Variants in FBN1 observed in about 807,000 individuals in gnomAD.
FBN1 encodes the protein fibrillin-1.
FBN1 carries 29 observed loss-of-function variants against 365.1 expected under a neutral mutation model. The observed-to-expected ratio is 0.08, with a 90% CI of 0.06 to 0.11. The LOEUF (loss-of-function observed/expected upper bound fraction) is 0.11. Among genes scored for constraint, FBN1 ranks in the 10% least tolerant of loss-of-function variants. The pLI is 1.00. For synonymous variants in FBN1, 1,210 were observed against 1,270.5 expected (o/e 0.95, Z 1.01); for missense variants, 2,476 against 3,703.2 (o/e 0.67, Z 8.60).
chr15:48,463,718 C>T (rs1446227159), intron 41 of FBN1, among the ~76,000 whole-genome samples, 181 bp downstream of exon 41: 1 of 152,166 alleles, frequency 6.6e-6, no homozygotes, highest in Non-Finnish European at 1.5e-5. Context: ...ACCACCCACC[C>T]GTGGTGGTGA....
At chr15:48,641,822 A>G (rs1295861204) in intron 2 of FBN1, 1 of 152,250 alleles carries the variant, frequency 6.6e-6, no homozygotes, top group Non-Finnish European at 1.5e-5. Flanking sequence ...GCACCGTTAA[A>G]GGATTTATTC....
chr15:48,597,516 C>G (rs1296135642), intron 5 of FBN1, among the ~76,000 whole-genome samples: 1 of 152,214 alleles, frequency 6.6e-6, no homozygotes, highest in South Asian at 2.1e-4. Flanking sequence ...TCCCTCCCTC[C>G]TTGCACAGGA....
At chr15:48,533,407 A>C (rs765327762) in intron 8 of FBN1, among the ~76,000 whole-genome samples, 10 of 152,238 alleles carry the variant, frequency 6.6e-5, no homozygotes, top group Admixed American at 2.0e-4. Flanking sequence ...CGAAGAAATT[A>C]TGACTGTAAT....
intron 63 of FBN1, 125 bp from the exon 64 acceptor site, chr15:48,415,892 C>G (rs1397343901): frequency 5.2e-6 from 4 of 775,240 alleles, no homozygotes; most frequent in African/African-American, 5.1e-5. Context: ...GTAAGACAGG[C>G]AGAGGTGGCT....
At chr15:48,590,681 A>C (rs1018099059) in intron 6 of FBN1, among the ~76,000 whole-genome samples, 1 of 152,206 alleles carries the variant, frequency 6.6e-6, no homozygotes, top group Non-Finnish European at 1.5e-5. Context: ...CTTCATTAAG[A>C]CTGTAATTTC....
Position 48,516,297 on chromosome 15 carries a change from G to T in FBN1, c.1213C>A (p.Pro405Thr), listed in dbSNP as rs2043800829. 2 of 1,613,770 alleles carry T rather than the reference G, an allele frequency of 1.2e-6. No individual in the cohort carries two copies. Among genetic ancestry groups the T allele is most frequent in the Non-Finnish European group, 1.7e-6 (2 of 1,179,818 alleles). Residue 405 changes from proline (P) to threonine (T), a missense_variant, in exon 11 of 66, where the codon CCC becomes ACC. Transcript: ENST00000316623. ...AGAACTGGAGGAATGGGGCCAAGGG[G>T]TGGGGGAGGATATTCTGGTCTCCCA... ...IPGRPEYPPPPLGPIPPVLPV... is the reference protein window; with the variant it reads ...IPGRPEYPPPTLGPIPPVLPV...
In FBN1 at chr15:48,610,718, T is replaced by C; in HGVS notation, c.346+10A>G. ...AAATAATATTATATATAATGACATG[T>C]TAGACTTACTGGATCTGGAGCCACA... On this transcript the variant is annotated intron_variant, in intron 4 of 65. Transcript: ENST00000316623. 1 of 1,597,244 alleles carries C rather than the reference T, an allele frequency of 6.3e-7. No individual in the cohort carries two copies. Among genetic ancestry groups the C allele is most frequent in the South Asian group, 1.1e-5 (1 of 90,688 alleles).
intron 6 of FBN1, among the ~76,000 whole-genome samples, chr15:48,580,695 A>G (rs2044384709): frequency 6.6e-6 from 1 of 152,202 alleles, no homozygotes; most frequent in Non-Finnish European, 1.5e-5. Flanking sequence ...CCTTGTGACC[A>G]AATGTTTCTC....
chr15:48,445,141 C>G (rs1429617119), intron 48 of FBN1, among the ~76,000 whole-genome samples: 1 of 138,384 alleles, frequency 7.2e-6, no homozygotes, highest in Non-Finnish European at 1.6e-5. Context: ...TATATACACA[C>G]ACACATATAT....
Position 48,526,116 on chromosome 15 carries a change from G to T in FBN1, c.988+14C>A, listed in dbSNP as rs1019270602. ...CTTACACAAACCATGCATGCTGTTT[G>T]TCATTAAACCTACCTATGCATCTGG... On this transcript the variant is annotated intron_variant, in intron 9 of 65. Transcript: ENST00000316623. 6.2e-7 allele frequency: 1 copy of T among 1,614,090 alleles called. No individual in the cohort carries two copies. Among genetic ancestry groups the T allele is most frequent in the Non-Finnish European group, 8.5e-7 (1 of 1,179,972 alleles).
At chr15:48,553,652 C>G (rs2044159371) in intron 6 of FBN1, among the ~76,000 whole-genome samples, 1 of 151,880 alleles carries the variant, frequency 6.6e-6, no homozygotes, top group African/African-American at 2.4e-5. Flanking sequence ...TCTCTCTACT[C>G]TGTGAGTGTG....
chr15:48,488,057 T>A, intron 27 of FBN1, 56 bp downstream of exon 27: 4 of 1,612,658 alleles, frequency 2.5e-6, no homozygotes, highest in Non-Finnish European at 2.5e-6. Context: ...CTATGAGCCA[T>A]CAAAGCTTCA....
chr15:48,575,427 T>A (rs1187661511), intron 6 of FBN1, among the ~76,000 whole-genome samples: 1 of 152,154 alleles, frequency 6.6e-6, no homozygotes, highest in Non-Finnish European at 1.5e-5. Flanking sequence ...AACTCTGGCT[T>A]TTACTGTACC....
Position 48,490,006 on chromosome 15 carries a change from C to T in FBN1, c.2927G>A (p.Arg976His), listed in dbSNP as rs140954477. 1.1e-4 allele frequency: 176 copies of T among 1,614,126 alleles called. No individual in the cohort carries two copies. Among genetic ancestry groups the T allele is most frequent in the Non-Finnish European group, 1.3e-4 (159 of 1,180,028 alleles). Residue 976 changes from arginine to histidine, a missense_variant, in exon 25 of 66, where the codon CGC becomes CAC. Around this residue, in one of 5 missense-constraint regions of FBN1, gnomAD observed 1,780 missense variants for 2,840.8 expected, o/e 0.63. Transcript: ENST00000316623. ...ECTLPIAGRHRMDACCCSVGA... is the reference protein window; with the variant it reads ...ECTLPIAGRHHMDACCCSVGA... Reference sequence around the variant, plus strand: ...GACGGAGCAGCAGCAGGCGTCCATGCGGTGGCGGCCAGCAATAGGCAGGGT... The same window carrying T: ...GACGGAGCAGCAGCAGGCGTCCATGTGGTGGCGGCCAGCAATAGGCAGGGT...
chr15:48,476,946 A>G (rs1198388383), intron 32 of FBN1, among the ~76,000 whole-genome samples: 1 of 151,912 alleles, frequency 6.6e-6, no homozygotes, highest in Non-Finnish European at 1.5e-5. Context: ...TTCTTTAGTC[A>G]TATCAGGATT....
chr15:48,492,833 G>T (rs1329955402), intron 23 of FBN1, among the ~76,000 whole-genome samples: 1 of 152,182 alleles, frequency 6.6e-6, no homozygotes, highest in Non-Finnish European at 1.5e-5. Context: ...GTAGAGACAG[G>T]CAGCTGGTGT....
At position 48,421,625 on chromosome 15, in the gene FBN1, A is replaced by G. The variant is rs1409771185; in HGVS notation, c.7632T>C (p.Thr2544=). 20 of 1,613,818 alleles carry G rather than the reference A, an allele frequency of 1.2e-5. No homozygotes were observed. Among genetic ancestry groups the G allele is most frequent in the Non-Finnish European group, 1.4e-5 (17 of 1,179,976 alleles). Residue 2544 remains threonine (T), a synonymous_variant, in exon 62 of 66, where the codon ACT becomes ACC. Transcript: ENST00000316623. ...GGCATTCACAGGTGAAGCTTCCAGG[A>G]GTGTTCTGGCAAATGCCCTTAGACC... ...LCGSKGICQN[T]PGSFTCECQR...
intron 58 of FBN1, among the ~76,000 whole-genome samples, chr15:48,426,438 C>G (rs2042980065): frequency 6.6e-6 from 1 of 152,114 alleles, no homozygotes; most frequent in African/African-American, 2.4e-5. Flanking sequence ...AACCAGGGCT[C>G]TGAGGTGGAT....
intron 6 of FBN1, among the ~76,000 whole-genome samples, chr15:48,545,888 G>GATGGTAGGCGCCTGT (rs1447957891): frequency 1.3e-5 from 2 of 152,080 alleles, no homozygotes; most frequent in African/African-American, 4.8e-5. Flanking sequence ...AGCTGGGTGT[G>GATGGTAGGCGCCTGT]ATGGTAGGCG....
Sources: allele counts gnomAD v4.1 joint callset (sites outside exome capture counted in the v4.1 genomes callset), GRCh38; gene constraint gnomAD v4.1.1; regional missense constraint gnomAD v4.1.1; transcripts MANE v1.5; gene names NCBI Gene and HGNC (gene_info 2026-07-23, HGNC 2026-07-21).